The following STXBP5L variants were observed in gnomAD, a reference collection of about 807,000 sequenced individuals.
The protein encoded by STXBP5L is syntaxin binding protein 5L.
STXBP5L carries 65 observed loss-of-function variants against 144.5 expected under a neutral mutation model. The ratio of observed to expected loss-of-function variants is 0.45; its 90% CI spans 0.37 to 0.55. The LOEUF (loss-of-function observed/expected upper bound fraction) is 0.55. Among genes scored for constraint, STXBP5L ranks in the 20% least tolerant of loss-of-function variants. The pLI, the probability that STXBP5L is intolerant of heterozygous loss-of-function variation, is 0.00. For synonymous variants in STXBP5L, 505 were observed against 469.6 expected (o/e 1.08, Z -0.97); for missense variants, 1,298 against 1,405.5 (o/e 0.92, Z 1.22).
At chr3:121,061,303 G>A (rs2041265821) in intron 5 of STXBP5L, among the ~76,000 whole-genome samples, 2 of 152,120 alleles carry the variant, frequency 1.3e-5, no homozygotes, top group Admixed American at 1.3e-4. Flanking sequence ...TCTTAACCCC[G>A]AGTTCTAATT....
intron 20 of STXBP5L, among the ~76,000 whole-genome samples, chr3:121,366,756 AAG>A: frequency 6.6e-6 from 1 of 152,070 alleles, no homozygotes; most frequent in Non-Finnish European, 1.5e-5. Context: ...ATTGCTGATA[AAG>A]AGGGATTTCT....
intron 3 of STXBP5L, among the ~76,000 whole-genome samples, chr3:120,994,058 A>G (rs1028267930): frequency 3.3e-5 from 5 of 151,878 alleles, no homozygotes; most frequent in Non-Finnish European, 4.4e-5. Flanking sequence ...ACTGTTGTAA[A>G]CGGGATTGCT....
chr3:121,240,347 G>A (rs2108334439), intron 13 of STXBP5L, 93 bp from the exon 14 acceptor site: 1 of 1,184,192 alleles, frequency 8.4e-7, no homozygotes. Context: ...TTTTCTTTAA[G>A]TGAGCTTTTT....
At chr3:121,402,673 A>G (rs2046907877) in intron 22 of STXBP5L, among the ~76,000 whole-genome samples, 1 of 152,196 alleles carries the variant, frequency 6.6e-6, no homozygotes, top group Non-Finnish European at 1.5e-5. Flanking sequence ...ACCACACTAA[A>G]GTGTCTCATT....
At chr3:120,961,542 C>A (rs780629650) in intron 3 of STXBP5L, among the ~76,000 whole-genome samples, 2 of 152,100 alleles carry the variant, frequency 1.3e-5, no homozygotes, top group African/African-American at 4.8e-5. Context: ...TCTGTCCTTG[C>A]GATAGTTTGC....
intron 5 of STXBP5L, among the ~76,000 whole-genome samples, chr3:121,070,205 G>T (rs115168466): frequency 2.0e-5 from 3 of 152,326 alleles, no homozygotes; most frequent in Admixed American, 1.3e-4. Flanking sequence ...TGGGAACTAC[G>T]TGAGGCGAGA....
rs528175521 is a variant in STXBP5L, at chr3:121,091,454, T to G, written c.471-23471T>G. On this transcript the variant is annotated intron_variant, in intron 5 of 26. Transcript: ENST00000471454. The stretch of plus-strand genomic sequence containing the variant: ...CTCCAGCACCTGTTGTTCCCTGACT[T>G]TTTAATGATTGCCATTCTAACTGGT... Among the ~76,000 whole-genome samples, 4 of 152,200 alleles carry G rather than the reference T, an allele frequency of 2.6e-5. No homozygotes were observed. The South Asian group carries it at 8.3e-4, about 32-fold the overall frequency.
chr3:121,129,154 A>C (rs1031557442), intron 7 of STXBP5L, among the ~76,000 whole-genome samples: 1 of 152,082 alleles, frequency 6.6e-6, no homozygotes, highest in African/African-American at 2.4e-5. Flanking sequence ...GTATGCAGAC[A>C]TACCCAGTTA....
intron 19 of STXBP5L, among the ~76,000 whole-genome samples, chr3:121,314,615 G>C (rs2043712404): frequency 1.3e-5 from 2 of 150,352 alleles, no homozygotes; most frequent in South Asian, 2.1e-4. Context: ...GGGAGAGGGA[G>C]AGGGAGAGGG....
chr3:120,941,751 G>A (rs1428631088), intron 2 of STXBP5L, among the ~76,000 whole-genome samples: 1 of 151,600 alleles, frequency 6.6e-6, no homozygotes, highest in East Asian at 1.9e-4. Context: ...GTGGCACTAG[G>A]CTCAGTGAAG....
At chr3:120,943,312 C>CAACATTTGCAAAGACATTTATATGATGA (rs1204491104) in intron 2 of STXBP5L, among the ~76,000 whole-genome samples, 2 of 151,658 alleles carry the variant, frequency 1.3e-5, no homozygotes, top group Non-Finnish European at 3.0e-5. Context: ...TTTTTAGAGA[C>CAACATTTGCAAAGACATTTATATGATGA]AACATTTGCA....
intron 3 of STXBP5L, among the ~76,000 whole-genome samples, chr3:120,973,214 G>T (rs923907897): frequency 1.3e-5 from 2 of 151,892 alleles, no homozygotes; most frequent in African/African-American, 4.8e-5. Flanking sequence ...TTTTATTTTC[G>T]TAGGAGATTC....
chr3:121,030,619 G>T (rs1946299046), intron 3 of STXBP5L, among the ~76,000 whole-genome samples: 1 of 152,012 alleles, frequency 6.6e-6, no homozygotes, highest in Non-Finnish European at 1.5e-5. Flanking sequence ...CATGGCACGT[G>T]TATACCTATG....
At chr3:121,381,161 C>T (rs550238014) in intron 21 of STXBP5L, 132 bp from the exon 22 acceptor site, 36 of 862,042 alleles carry the variant, frequency 4.2e-5, no homozygotes, top group Admixed American at 9.4e-5. Context: ...TGGATAAGCT[C>T]CCTCTCAGGT....
chr3:121,400,239 G>A (rs894020398), intron 22 of STXBP5L, among the ~76,000 whole-genome samples: 3 of 152,172 alleles, frequency 2.0e-5, no homozygotes, highest in Admixed American at 1.3e-4. Flanking sequence ...TCACCCAGGC[G>A]ATGACTTAGT....
chr3:121,270,641 T>C (rs1207990784), intron 18 of STXBP5L, among the ~76,000 whole-genome samples: 1 of 152,058 alleles, frequency 6.6e-6, no homozygotes, highest in Non-Finnish European at 1.5e-5. Context: ...TTAGTAGAGA[T>C]GGTGTTTTGC....
intron 20 of STXBP5L, among the ~76,000 whole-genome samples, chr3:121,359,641 G>C (rs1011346967): frequency 1.3e-5 from 2 of 151,936 alleles, no homozygotes; most frequent in African/African-American, 2.4e-5. Context: ...AGATGTAGAG[G>C]TCTATTTTCA....
chr3:121,164,591 C>T (rs2046436619), intron 9 of STXBP5L, among the ~76,000 whole-genome samples: 1 of 152,112 alleles, frequency 6.6e-6, no homozygotes, highest in South Asian at 2.1e-4. Flanking sequence ...ATCTGCACTC[C>T]CATGTTCATG....
At chr3:121,321,811 C>T (rs1347520544) in intron 20 of STXBP5L, among the ~76,000 whole-genome samples, 1 of 152,160 alleles carries the variant, frequency 6.6e-6, no homozygotes, top group African/African-American at 2.4e-5. Flanking sequence ...AACCAGAAAC[C>T]AGTAATCATT....
Sources: allele counts gnomAD v4.1 joint callset (sites outside exome capture counted in the v4.1 genomes callset), GRCh38; gene constraint gnomAD v4.1.1; transcripts MANE v1.5; gene names NCBI Gene and HGNC (gene_info 2026-07-23, HGNC 2026-07-21).